ORC3: variants seen among roughly 807,000 people sequenced by gnomAD.
ORC3 encodes the protein origin recognition complex subunit 3, also known as homolog of latheo, Drosophila.
ORC3 carries 78 observed loss-of-function variants against 100.7 expected under a neutral mutation model. The ratio of observed to expected loss-of-function variants is 0.77; its 90% CI spans 0.65 to 0.94. The LOEUF (loss-of-function observed/expected upper bound fraction) is 0.94, where lower values mean the gene tolerates loss of function less well. Among genes scored for constraint, ORC3 ranks in the 40% least tolerant of loss-of-function variants. The probability of loss-of-function intolerance (pLI) is 0.00; values close to 1 mark genes in which losing one functional copy is unlikely to be tolerated. For synonymous variants in ORC3, 295 were observed against 289.3 expected (o/e 1.02, Z -0.20); for missense variants, 789 against 823.9 (o/e 0.96, Z 0.52).
At chr6:87,637,834 C>T (rs1013387542) in intron 13 of ORC3, among the ~76,000 whole-genome samples, 6 of 152,216 alleles carry the variant, frequency 3.9e-5, no homozygotes, top group African/African-American at 1.4e-4. Context: ...GTAACCATCA[C>T]TTATTGAAGG....
At position 87,658,440 on chromosome 6, in the gene ORC3, G is replaced by A. The variant is rs534873132; in HGVS notation, c.1691+422G>A. ...CCACTGCACTCCAGCCTGGGCAACG[G>A]TGCAAGACTCCGTCTCAAAAAAAAA... On this transcript the variant is annotated intron_variant, in intron 16 of 19. Coordinates refer to ENST00000392844, the MANE Select transcript of ORC3 (RefSeq NM_012381.4). Among the ~76,000 whole-genome samples the A allele has an allele frequency of 7.1e-4, 105 of 147,650 alleles. 1 individual carries two copies. Among genetic ancestry groups the A allele is most frequent in the African/African-American group, 2.5e-3 (101 of 39,940 alleles).
At chr6:87,606,067 T>A (rs1383033162) in intron 5 of ORC3, 46 bp downstream of exon 5, 1 of 1,013,384 alleles carries the variant, frequency 9.9e-7, no homozygotes, top group African/African-American at 1.6e-5. Flanking sequence ...TGTTACAGAC[T>A]TCTTTCATCC....
At chr6:87,590,272 A>G (rs1289700998) in intron 1 of ORC3, 80 bp downstream of exon 1, 9 of 1,431,428 alleles carry the variant, frequency 6.3e-6, no homozygotes, top group African/African-American at 2.8e-5. Flanking sequence ...GAGGTTACGT[A>G]GGCATCCCTT....
At chr6:87,661,693 A>G (rs563653586) in intron 16 of ORC3, among the ~76,000 whole-genome samples, 2 of 152,184 alleles carry the variant, frequency 1.3e-5, no homozygotes, top group Admixed American at 6.5e-5. Context: ...TGGTAGGAAA[A>G]GGAGCTGACA....
chr6:87,601,659 G>A (rs1777907849), intron 2 of ORC3, 125 bp from the exon 3 acceptor site: 9 of 607,142 alleles, frequency 1.5e-5, no homozygotes. Context: ...GTGACAGAGT[G>A]AGACTCCATA....
intron 1 of ORC3, 95 bp downstream of exon 1, chr6:87,590,287 G>T: frequency 1.5e-6 from 2 of 1,332,884 alleles, no homozygotes; most frequent in East Asian, 2.3e-5. Flanking sequence ...TCCCTTCCCT[G>T]GCTGGAGAGG....
At chr6:87,608,794 G>A (rs1224229072) in intron 6 of ORC3, among the ~76,000 whole-genome samples, 2 of 151,962 alleles carry the variant, frequency 1.3e-5, no homozygotes, top group Non-Finnish European at 2.9e-5. Context: ...TCTACCAACA[G>A]AAAAATCAAT....
chr6:87,649,826 G>C (rs138093938), intron 13 of ORC3, among the ~76,000 whole-genome samples: 65 of 152,156 alleles, frequency 4.3e-4, no homozygotes, highest in African/African-American at 1.5e-3. Context: ...GGAAAGATTT[G>C]TATCTTTACA....
downstream of ORC3, among the ~76,000 whole-genome samples, chr6:87,671,913 A>G (rs1361289387): frequency 1.7e-5 from 2 of 118,240 alleles, no homozygotes; most frequent in African/African-American, 8.2e-5. Flanking sequence ...GCACTCTTGC[A>G]CAACAAGTTT....
intron 10 of ORC3, 89 bp from the exon 11 acceptor site, chr6:87,621,861 A>G (rs889620910): frequency 3.4e-6 from 3 of 870,684 alleles, no homozygotes; most frequent in East Asian, 2.5e-5. Context: ...GTGGCTACCA[A>G]TCTAGGTAGT....
chr6:87,603,833 G>C (rs1778146737), intron 4 of ORC3, among the ~76,000 whole-genome samples: 1 of 152,188 alleles, frequency 6.6e-6, no homozygotes, highest in Non-Finnish European at 1.5e-5. Context: ...CATTACAAGA[G>C]TATATGAGAT....
chr6:87,627,322 G>T (rs1779991636), intron 11 of ORC3, among the ~76,000 whole-genome samples: 1 of 109,748 alleles, frequency 9.1e-6, no homozygotes, highest in Non-Finnish European at 1.9e-5. Flanking sequence ...TTTTGAGGGG[G>T]TCTCGCTCTA....
chr6:87,663,261 T>C (rs1770344437), intron 17 of ORC3, 117 bp downstream of exon 17: 2 of 704,748 alleles, frequency 2.8e-6, no homozygotes, highest in Non-Finnish European at 4.5e-6. Flanking sequence ...AATTCAGGGT[T>C]GCACGTCTCA....
At chr6:87,657,881 T>C in intron 15 of ORC3, 40 bp from the exon 16 acceptor site, 2 of 1,133,454 alleles carry the variant, frequency 1.8e-6, no homozygotes, top group Non-Finnish European at 2.7e-6. Flanking sequence ...GGGTTTTCTG[T>C]CTGAGGATCA....
At chr6:87,673,490 A>T in the ORC3 span, among the ~76,000 whole-genome samples, 813 of 152,282 alleles carry the variant, frequency 5.3e-3, 5 homozygotes, top group African/African-American at 0.018. Flanking sequence ...ACAAAGAATG[A>T]TCTGGCCCAA....
downstream of ORC3, among the ~76,000 whole-genome samples, chr6:87,671,005 CAA>C (rs758423835): frequency 6.6e-5 from 10 of 152,080 alleles, no homozygotes; most frequent in Admixed American, 2.6e-4. Flanking sequence ...GGAAAAACAG[CAA>C]AAGTGGCCAA....
intron 2 of ORC3, among the ~76,000 whole-genome samples, chr6:87,598,740 T>A (rs1450616720): frequency 6.6e-6 from 1 of 152,182 alleles, no homozygotes; most frequent in Non-Finnish European, 1.5e-5. Flanking sequence ...TGACCCTGAT[T>A]ATAAGGCAGA....
intron 11 of ORC3, among the ~76,000 whole-genome samples, chr6:87,626,368 G>A (rs1011644958): frequency 6.6e-6 from 1 of 152,196 alleles, no homozygotes; most frequent in Admixed American, 6.5e-5. Context: ...TCACTGAGCA[G>A]TGGTTTGTAA....
chr6:87,614,924 T>C (rs566596426), intron 8 of ORC3, among the ~76,000 whole-genome samples: 1 of 152,324 alleles, frequency 6.6e-6, no homozygotes, highest in African/African-American at 2.4e-5. Context: ...CTGCCTGTCA[T>C]CCAGTTCCAA....
Sources: allele counts gnomAD v4.1 joint callset (sites outside exome capture counted in the v4.1 genomes callset), GRCh38; gene constraint gnomAD v4.1.1; transcripts MANE v1.5; gene names NCBI Gene and HGNC (gene_info 2026-07-23, HGNC 2026-07-21).